Variants in CSMD1 observed in about 807,000 individuals in gnomAD.
CSMD1 encodes the protein CUB and Sushi multiple domains 1, also known as CUB and sushi domain-containing protein 1.
CSMD1 carries 213 observed loss-of-function variants against 417.5 expected under a neutral mutation model. That is an observed-to-expected ratio of 0.51 (90% CI 0.46 to 0.57). The LOEUF (loss-of-function observed/expected upper bound fraction) is 0.57. Ranked by LOEUF, CSMD1 falls within the 20% of genes least tolerant of loss-of-function variation. The pLI, the probability that CSMD1 is intolerant of heterozygous loss-of-function variation, is 0.00. For missense variants in CSMD1, 6,923 were observed against 4,529.7 expected, an observed-to-expected ratio of 1.53 and a Z score of -15.17; for synonymous variants, 2,862 against 1,736.8, an observed-to-expected ratio of 1.65 and a Z score of -16.11.
rs778969760 is a variant in CSMD1, at chr8:2,938,715, T to A, written c.10565A>T (p.Tyr3522Phe). Reference sequence around the variant, plus strand: ...TCCATTGCTGTTTTCATGCCCAGCATAGCCATTGTATTGAACTTTTGGTCT... The same window carrying A: ...TCCATTGCTGTTTTCATGCCCAGCAAAGCCATTGTATTGAACTTTTGGTCT... ...RTRPKVQYNG[Y>F]AGHENSNGQA... Residue 3522 changes from tyrosine to phenylalanine, a missense_variant, in exon 70 of 70, where the codon TAT (tyrosine) becomes TTT (phenylalanine). Transcript: ENST00000635120. The A allele has an allele frequency of 3.1e-6, 5 of 1,610,890 alleles. No individual in the cohort carries two copies. The highest frequency in any genetic ancestry group is 1.3e-5 in the African/African-American group (1 of 74,922).
chr8:4,679,647 C>T (rs1805913265), intron 1 of CSMD1, among the ~76,000 whole-genome samples: 1 of 152,076 alleles, frequency 6.6e-6, no homozygotes, highest in Non-Finnish European at 1.5e-5. Context: ...TAATATCTTA[C>T]TAGGAAGTTA....
rs569375094 is a variant in CSMD1, at chr8:3,869,995, G to T, written c.819-115953C>A. Among the ~76,000 whole-genome samples, 4 of 152,234 alleles carry T rather than the reference G, an allele frequency of 2.6e-5. No homozygotes were observed. The South Asian group carries it at 8.3e-4, about 32-fold the overall frequency. On this transcript the variant is annotated intron_variant, in intron 5 of 69. Transcript: ENST00000635120. ...AAATTACAATAATAATACATAACTAGAGGAAAAGTGTAAAGAAATACATTA... is the reference window on the plus strand; with the variant it reads ...AAATTACAATAATAATACATAACTATAGGAAAAGTGTAAAGAAATACATTA...
At chr8:4,272,762 C>G (rs910403629) in intron 3 of CSMD1, among the ~76,000 whole-genome samples, 2 of 152,150 alleles carry the variant, frequency 1.3e-5, no homozygotes, top group Non-Finnish European at 2.9e-5. Context: ...TGAATGAACT[C>G]TCAGTAAAGG....
chr8:3,828,640 C>T (rs925372834), intron 5 of CSMD1, among the ~76,000 whole-genome samples: 3 of 152,110 alleles, frequency 2.0e-5, no homozygotes, highest in Non-Finnish European at 4.4e-5. Flanking sequence ...CATCGTCACA[C>T]CTATTTTAAT....
chr8:4,642,979 A>G (rs1298097472), intron 1 of CSMD1, among the ~76,000 whole-genome samples: 2 of 152,232 alleles, frequency 1.3e-5, no homozygotes, highest in Non-Finnish European at 2.9e-5. Flanking sequence ...AATGATGGAC[A>G]GGACTGCAGA....
chr8:3,719,713 C>T (rs77482438), intron 6 of CSMD1, among the ~76,000 whole-genome samples: 421 of 152,258 alleles, frequency 2.8e-3, no homozygotes, highest in African/African-American at 9.6e-3. Flanking sequence ...AGCCCCCATA[C>T]CAGCCACATA....
chr8:4,080,423 G>A (rs1008760262), intron 3 of CSMD1, among the ~76,000 whole-genome samples: 2 of 152,150 alleles, frequency 1.3e-5, no homozygotes, highest in Non-Finnish European at 2.9e-5. Context: ...GAGTAATCAT[G>A]CCATTACATA....
chr8:3,025,387 G>C (rs1047256349), intron 51 of CSMD1, among the ~76,000 whole-genome samples: 2 of 151,462 alleles, frequency 1.3e-5, no homozygotes, highest in South Asian at 2.1e-4. Flanking sequence ...ACTGTGTATT[G>C]TGTGGTGTTA....
chr8:3,190,958 G>T (rs998379418), intron 33 of CSMD1, among the ~76,000 whole-genome samples: 2 of 152,174 alleles, frequency 1.3e-5, no homozygotes, highest in Non-Finnish European at 2.9e-5. Flanking sequence ...GTAGTTACTG[G>T]GGGCTGGGGA....
chr8:3,766,813 C>G (rs1163750728), intron 5 of CSMD1, among the ~76,000 whole-genome samples: 1 of 152,066 alleles, frequency 6.6e-6, no homozygotes. Context: ...CAAGTCTTAT[C>G]CTAGCTCATT....
chr8:3,894,361 G>C (rs1006244802), intron 5 of CSMD1, among the ~76,000 whole-genome samples: 9 of 152,050 alleles, frequency 5.9e-5, no homozygotes, highest in Admixed American at 4.6e-4. Flanking sequence ...GATTAAATGG[G>C]TGTTGCAACT....
At chr8:4,976,074 TTGA>T (rs1810545613) in intron 1 of CSMD1, among the ~76,000 whole-genome samples, 1 of 152,202 alleles carries the variant, frequency 6.6e-6, no homozygotes, top group South Asian at 2.1e-4. Flanking sequence ...CAATAATTGG[TTGA>T]CACATGTTCT....
At chr8:4,301,605 C>G (rs942006427) in intron 3 of CSMD1, among the ~76,000 whole-genome samples, 5 of 152,196 alleles carry the variant, frequency 3.3e-5, no homozygotes, top group African/African-American at 1.2e-4. Context: ...ATTGTATAAG[C>G]TGAACCAGTC....
At chr8:4,433,316 G>T (rs1333834276) in intron 2 of CSMD1, among the ~76,000 whole-genome samples, 2 of 152,054 alleles carry the variant, frequency 1.3e-5, no homozygotes, top group Non-Finnish European at 1.5e-5. Context: ...CCACGAAACT[G>T]GTCCCTGGCA....
At chr8:4,506,396 A>G (rs922342552) in intron 2 of CSMD1, among the ~76,000 whole-genome samples, 4 of 152,006 alleles carry the variant, frequency 2.6e-5, no homozygotes, top group Non-Finnish European at 5.9e-5. Context: ...CAAAGGGGAG[A>G]GAGAGAAAGT....
At chr8:4,640,840 G>A (rs1407578478) in intron 1 of CSMD1, among the ~76,000 whole-genome samples, 2 of 142,698 alleles carry the variant, frequency 1.4e-5, no homozygotes, top group South Asian at 2.3e-4. Context: ...TATTTTACAG[G>A]GATTGAAACC....
intron 3 of CSMD1, among the ~76,000 whole-genome samples, chr8:4,411,030 G>A (rs997344434): frequency 1.8e-4 from 28 of 152,158 alleles, no homozygotes; most frequent in African/African-American, 5.3e-4. Context: ...CATGCTTCCC[G>A]TTTTGCTGGT....
At chr8:4,263,501 T>G (rs922173746) in intron 3 of CSMD1, among the ~76,000 whole-genome samples, 2 of 152,208 alleles carry the variant, frequency 1.3e-5, no homozygotes, top group Admixed American at 1.3e-4. Context: ...GCTCTGTCTG[T>G]GGCAGTTAAT....
At chr8:3,563,630 C>T (rs1281069000) in intron 10 of CSMD1, among the ~76,000 whole-genome samples, 1 of 152,078 alleles carries the variant, frequency 6.6e-6, no homozygotes, top group Non-Finnish European at 1.5e-5. Flanking sequence ...GTGGCTCATA[C>T]TTGTAATCCC....
Sources: allele counts gnomAD v4.1 joint callset (sites outside exome capture counted in the v4.1 genomes callset), GRCh38; gene constraint gnomAD v4.1.1; transcripts MANE v1.5; gene names NCBI Gene and HGNC (gene_info 2026-07-23, HGNC 2026-07-21).